Variants in REV3L observed in about 807,000 individuals in gnomAD.
The protein encoded by REV3L is DNA polymerase zeta catalytic subunit.
In REV3L, 69 loss-of-function variants were observed where a neutral mutation model predicts 299.4. The ratio of observed to expected loss-of-function variants is 0.23; its 90% CI spans 0.19 to 0.28. The LOEUF (loss-of-function observed/expected upper bound fraction) is 0.28, where lower values mean the gene tolerates loss of function less well. Among genes scored for constraint, REV3L ranks in the 10% least tolerant of loss-of-function variants. REV3L has a pLI of 1.00. For missense variants in REV3L, 3,128 were observed against 3,693.8 expected (o/e 0.85, Z 3.97); for synonymous variants, 1,238 against 1,271.4 (o/e 0.97, Z 0.56).
intron 1 of REV3L, among the ~76,000 whole-genome samples, chr6:111,446,383 G>A (rs181287679): frequency 5.3e-5 from 8 of 152,224 alleles, no homozygotes; most frequent in African/African-American, 1.9e-4. Flanking sequence ...AACAAACTGG[G>A]ATGAAGTGAC....
rs755395530 is a variant in REV3L at position 111,373,877 on chromosome 6, G to C, written c.4478C>G (p.Pro1493Arg). Residue 1493 changes from proline to arginine, a missense_variant, in exon 13 of 32, where the codon CCG (proline) becomes CGG (arginine). Around this residue, in one of 9 missense-constraint regions of REV3L, gnomAD observed 2,409 missense variants for 2,611.8 expected, o/e 0.92. Transcript: ENST00000368802. ...MSNFKPERVKPRSLSEAISQT... is the reference protein window; with the variant it reads ...MSNFKPERVKRRSLSEAISQT... ...TGAAATTGCTTCTGATAACGACCTC[G>C]GTTTTACTCTTTCAGGTTTAAAATT... The C allele has an allele frequency of 4.3e-6, 7 of 1,613,720 alleles. No individual in the cohort carries two copies. Among genetic ancestry groups the C allele is most frequent in the Admixed American group, 3.3e-5 (2 of 59,970 alleles).
At chr6:111,437,502 T>C (rs1429737616) in intron 1 of REV3L, among the ~76,000 whole-genome samples, 1 of 151,518 alleles carries the variant, frequency 6.6e-6, no homozygotes, top group African/African-American at 2.4e-5. Flanking sequence ...ATTTTTAGCA[T>C]TTTTAGTATA....
At chr6:111,399,130 A>G (rs897059594) in intron 4 of REV3L, among the ~76,000 whole-genome samples, 19 of 152,162 alleles carry the variant, frequency 1.2e-4, no homozygotes, top group Non-Finnish European at 2.5e-4. Flanking sequence ...TTTTTCACCT[A>G]CTGGAAAAAA....
rs112066934 is a variant in REV3L, at chr6:111,438,690, A to G, written c.140-22218T>C. 7.3e-3 allele frequency among the ~76,000 whole-genome samples: 1,116 copies of G among 152,298 alleles called. 13 individuals are homozygous for G. The highest frequency in any genetic ancestry group is 0.026 in the African/African-American group (1,063 of 41,546). On this transcript the variant is annotated intron_variant, in intron 1 of 31. Transcript: ENST00000368802. ...CAACCCGATATCCTATAACTTTCAT[A>G]CATGAATTAAAGAAAGGTTTTCTTA...
At chr6:111,408,460 C>T (rs1360358279) in intron 3 of REV3L, among the ~76,000 whole-genome samples, 5 of 151,840 alleles carry the variant, frequency 3.3e-5, no homozygotes, top group Non-Finnish European at 5.9e-5. Context: ...AAAAATTAGC[C>T]AGGCATGGTG....
At chr6:111,343,028 T>C (rs190235115) in intron 21 of REV3L, among the ~76,000 whole-genome samples, 38 of 152,284 alleles carry the variant, frequency 2.5e-4, no homozygotes, top group Non-Finnish European at 2.6e-4. Context: ...GAAAACAGAT[T>C]AAGTTTCTTA....
intron 1 of REV3L, among the ~76,000 whole-genome samples, chr6:111,426,032 T>C (rs1786136880): frequency 6.6e-6 from 1 of 152,242 alleles, no homozygotes; most frequent in African/African-American, 2.4e-5. Flanking sequence ...TGTTTACATG[T>C]GTACCAATGA....
chr6:111,478,050 G>A (rs1583147732), intron 1 of REV3L, among the ~76,000 whole-genome samples: 1 of 152,264 alleles, frequency 6.6e-6, no homozygotes, highest in East Asian at 1.9e-4. Context: ...AATATACATT[G>A]CCAAACTGCC....
intron 1 of REV3L, among the ~76,000 whole-genome samples, chr6:111,453,782 G>T (rs955942066): frequency 3.9e-5 from 6 of 151,976 alleles, no homozygotes; most frequent in African/African-American, 1.2e-4. Flanking sequence ...TCAGGAGTTC[G>T]AGACCAGCCT....
intron 16 of REV3L, among the ~76,000 whole-genome samples, chr6:111,359,347 C>T (rs985099711): frequency 3.9e-5 from 6 of 151,950 alleles, no homozygotes; most frequent in African/African-American, 1.2e-4. Flanking sequence ...AAGTCTGTCA[C>T]GTTTTACTCT....
chr6:111,410,507 A>ACAC (rs1185856068), intron 3 of REV3L, among the ~76,000 whole-genome samples: 2 of 152,226 alleles, frequency 1.3e-5, no homozygotes, highest in African/African-American at 2.4e-5. Flanking sequence ...TGTGTGAGAG[A>ACAC]ATAAGAGTCC....
At chr6:111,438,502 AT>A (rs1168192152) in intron 1 of REV3L, among the ~76,000 whole-genome samples, 1 of 149,880 alleles carries the variant, frequency 6.7e-6, no homozygotes, top group Admixed American at 6.6e-5. Flanking sequence ...TCATATTAAG[AT>A]TAAAAAAAAA....
intron 20 of REV3L, among the ~76,000 whole-genome samples, chr6:111,345,273 G>C (rs1582614338): frequency 6.6e-6 from 1 of 152,290 alleles, no homozygotes; most frequent in East Asian, 1.9e-4. Context: ...ATGGGGAACA[G>C]AGAACAGAAT....
chr6:111,373,409 A>G lies in REV3L; in HGVS notation c.4946T>C (p.Ile1649Thr). The G allele has an allele frequency of 1.9e-6, 3 of 1,613,540 alleles. No individual in the cohort carries two copies. The highest frequency in any genetic ancestry group is 1.7e-6 in the Non-Finnish European group (2 of 1,179,844). The stretch of plus-strand genomic sequence containing the variant: ...AAATCCAGTCTGACCTATTGTGTTA[A>G]TATCAAAATTATAATTATGTTCAGG... ...LSPEHNYNFD[I>T]NTIGQTGFCS... Residue 1649 changes from isoleucine to threonine, a missense_variant, in exon 13 of 32, where the codon ATT becomes ACT. Transcript: ENST00000368802.
chr6:111,309,524 G>A lies in REV3L; in HGVS notation c.9042+329C>T, dbSNP rs575029197. 23 of 178,404 alleles carry A rather than the reference G, an allele frequency of 1.3e-4. No individual in the cohort carries two copies. The South Asian group carries it at 3.5e-3, about 27-fold the overall frequency. The allele number at this position is 178,404 out of a possible 1,614,324, so 11.1% of individuals were successfully genotyped here. ...GAAGTGTTCCTCACAATGTCCAGCC[G>A]CTCGTGTGTCTGCCCACTAGGGTCT... On this transcript the variant is annotated intron_variant, in intron 30 of 31. Coordinates refer to ENST00000368802, the MANE Select transcript of REV3L (RefSeq NM_001372078.1).
intron 1 of REV3L, among the ~76,000 whole-genome samples, chr6:111,453,770 G>A (rs542722092): frequency 6.6e-6 from 1 of 152,030 alleles, no homozygotes; most frequent in Non-Finnish European, 1.5e-5. Context: ...GATCACTTGA[G>A]GTCAGGAGTT....
chr6:111,430,664 G>C, intron 1 of REV3L: 1 of 1,519,072 alleles, frequency 6.6e-7, no homozygotes. Flanking sequence ...GGACTCTGGA[G>C]ATGCCAAAGC....
chr6:111,412,870 A>G (rs1218968105), intron 2 of REV3L, among the ~76,000 whole-genome samples: 1 of 151,792 alleles, frequency 6.6e-6, no homozygotes, highest in Non-Finnish European at 1.5e-5. Context: ...TTCTCCTCCA[A>G]CCACTCTAAA....
chr6:111,474,988 TACACACAC>T (rs36213449), intron 1 of REV3L, among the ~76,000 whole-genome samples: 59,344 of 145,908 alleles, frequency 0.41, 14,048 homozygotes, highest in Non-Finnish European at 0.54. Flanking sequence ...TGCCTATATA[TACACACAC>T]ACACACACAC....
Sources: gnomAD v4.1 joint callset for allele counts (sites outside exome capture counted in the v4.1 genomes callset) on GRCh38, gnomAD v4.1.1 for gene constraint, gnomAD v4.1.1 regional missense constraint, MANE v1.5 for transcripts, NCBI Gene and HGNC (gene_info 2026-07-23, HGNC 2026-07-21) for gene names.